LRRK2: variants seen among roughly 807,000 people sequenced by gnomAD.
LRRK2 encodes the protein leucine rich repeat kinase 2.
In LRRK2, 203 loss-of-function variants were observed where a neutral mutation model predicts 302.6. The observed-to-expected ratio is 0.67, with a 90% CI of 0.60 to 0.75. The LOEUF (loss-of-function observed/expected upper bound fraction) is 0.75. Ranked by LOEUF, LRRK2 falls within the 30% of genes least tolerant of loss-of-function variation. The pLI is 0.00. For synonymous variants in LRRK2, 1,066 were observed against 1,031.9 expected, an observed-to-expected ratio of 1.03 and a Z score of -0.63; for missense variants, 2,830 against 2,951.0, an observed-to-expected ratio of 0.96 and a Z score of 0.95.
intron 16 of LRRK2, among the ~76,000 whole-genome samples, chr12:40,275,969 C>G (rs1408528670): frequency 6.6e-6 from 1 of 152,234 alleles, no homozygotes. Flanking sequence ...AATACCTGGT[C>G]TCTAATCTTT....
intron 49 of LRRK2, chr12:40,366,669 C>T (rs933273533): frequency 7.2e-6 from 2 of 276,572 alleles, no homozygotes; most frequent in African/African-American, 4.5e-5. Context: ...TTGTACCTTA[C>T]CATATCCAAA....
chr12:40,342,170 C>T (rs1295953010), intron 41 of LRRK2, among the ~76,000 whole-genome samples: 1 of 152,162 alleles, frequency 6.6e-6, no homozygotes, highest in Non-Finnish European at 1.5e-5. Flanking sequence ...GTGGGCTGTG[C>T]GCTTGTACTT....
chr12:40,365,622 T>G (rs1045621008), intron 49 of LRRK2: 1 of 151,906 alleles, frequency 6.6e-6, no homozygotes, highest in Admixed American at 6.6e-5. Context: ...GCGTCTTCCT[T>G]TGATAATAAT....
chr12:40,295,599 G>A lies in LRRK2; in HGVS notation c.3051G>A (p.Glu1017=). The change falls in exon 23 of 51, where the codon GAG becomes GAA. Residue 1017 remains glutamate, a synonymous_variant. Coordinates refer to ENST00000298910, the MANE Select transcript of LRRK2 (RefSeq NM_198578.4). ...ATTTGGAGCATCTTGAAAAGCTGGA[G>A]CTTCACCAGAATGCACTCACGAGCT... is the stretch of plus-strand genomic sequence containing the variant. The part of the protein sequence containing the change: ...SVHLEHLEKL[E]LHQNALTSFP... 3.1e-6 allele frequency: 5 copies of A among 1,614,002 alleles called. No individual in the cohort carries two copies. The highest frequency in any genetic ancestry group is 4.2e-6 in the Non-Finnish European group (5 of 1,179,956).
At chr12:40,305,658 C>A in intron 27 of LRRK2, 127 bp from the exon 28 acceptor site, 1 of 825,714 alleles carries the variant, frequency 1.2e-6, no homozygotes, top group Non-Finnish European at 2.0e-6. Flanking sequence ...AGTTTTAAAA[C>A]TCTGTTGAAA....
chr12:40,242,476 T>C (rs1014900205), intron 6 of LRRK2, among the ~76,000 whole-genome samples: 15 of 152,164 alleles, frequency 9.9e-5, no homozygotes, highest in South Asian at 4.1e-4. Flanking sequence ...CCTGTGTTTG[T>C]CCCTAAGACT....
rs200631999 is a variant in LRRK2, at chr12:40,314,048, G to A, written c.4613G>A (p.Arg1538His). The change falls in exon 32 of 51, where the codon CGT becomes CAT. Residue 1538 changes from arginine (R) to histidine (H), a missense_variant. Around this residue, in one of 3 missense-constraint regions of LRRK2, gnomAD observed 2,121 missense variants for 2,148.0 expected, o/e 0.99. Coordinates refer to ENST00000298910, the MANE Select transcript of LRRK2 (RefSeq NM_198578.4). ...VELEKIILSE[R>H]KNVPIEFPVI... ...CTTGAAAAAATCATTTTATCGGAGC[G>A]TAAAAATGTGCCAATTGAATTTCCC... 24 of 1,612,372 alleles carry A rather than the reference G, an allele frequency of 1.5e-5. No individual in the cohort carries two copies. The highest frequency in any genetic ancestry group is 1.1e-4 in the East Asian group (5 of 44,836).
chr12:40,293,588 T>TA lies in LRRK2; in HGVS notation c.2734dup (p.Ser912LysfsTer30), dbSNP rs1342219832. The TA allele has an allele frequency of 6.2e-7, 1 of 1,611,310 alleles. No individual in the cohort carries two copies. Among genetic ancestry groups the TA allele is most frequent in the Non-Finnish European group, 8.5e-7 (1 of 1,178,244 alleles). The stretch of plus-strand genomic sequence containing the variant: ...TTGTGAAAAAGAAATCTAATTCAAT[T>TA]AGTGTAGGAGAATTTTACCGAGATG... On this transcript the variant is annotated frameshift_variant, in exon 21 of 51. Transcript: ENST00000298910. LOFTEE classifies it high-confidence loss of function.
Position 40,368,284 on chromosome 12 carries a change from G to C in LRRK2, c.*519G>C, listed in dbSNP as rs199791467. 1 of 151,928 alleles carries C rather than the reference G, an allele frequency of 6.6e-6. No individual in the cohort carries two copies. Among genetic ancestry groups the C allele is most frequent in the African/African-American group, 2.4e-5 (1 of 41,374 alleles). The allele number at this position is 151,928 out of a possible 1,614,324, so 9.4% of individuals were successfully genotyped here. A position where few individuals can be genotyped will look rare whatever the true frequency, so the allele number is the denominator to read the frequency against. ...ATTCAAATGAATTTGCACTAATAAA[G>C]TCCTTTGTTGGTATGTGAATTCTCT... On this transcript the variant is annotated 3_prime_UTR_variant, in exon 51 of 51. Transcript: ENST00000298910.
chr12:40,287,286 C>G, intron 19 of LRRK2, 65 bp from the exon 20 acceptor site: 1 of 1,445,874 alleles, frequency 6.9e-7, no homozygotes, highest in Non-Finnish European at 9.6e-7. Flanking sequence ...GAACTTTGGT[C>G]CTATGTATGT....
chr12:40,323,362 AT>A, intron 38 of LRRK2, 56 bp downstream of exon 38: 1 of 1,404,372 alleles, frequency 7.1e-7, no homozygotes, highest in Non-Finnish European at 9.9e-7. Flanking sequence ...TCTCCTTATA[AT>A]TTAGAAAATA....
chr12:40,258,595 G>C (rs549747198), intron 12 of LRRK2, among the ~76,000 whole-genome samples: 1 of 152,152 alleles, frequency 6.6e-6, no homozygotes, highest in African/African-American at 2.4e-5. Flanking sequence ...CTCTGACAGT[G>C]TGTCTGCCCC....
intron 13 of LRRK2, among the ~76,000 whole-genome samples, chr12:40,263,488 GC>G (rs1365530541): frequency 3.9e-5 from 6 of 152,018 alleles, no homozygotes; most frequent in Non-Finnish European, 8.8e-5. Context: ...TTAAAGCACA[GC>G]CTACTCACAC....
chr12:40,243,569 C>A lies in LRRK2; in HGVS notation c.726C>A (p.Leu242=). The A allele has an allele frequency of 6.2e-7, 1 of 1,611,678 alleles. No homozygotes were observed. The highest frequency in any genetic ancestry group is 8.5e-7 in the Non-Finnish European group (1 of 1,178,352). ...LAIPCNNVEV[L]MSGNVRCYNI... is the part of the protein sequence containing the mutation. ...ATTCAGGCAATAATGTGGAAGTCCT[C>A]ATGAGTGGCAATGTCAGGTGTTATA... Residue 242 remains leucine, a synonymous_variant, in exon 7 of 51, where the codon CTC becomes CTA. Transcript: ENST00000298910.
chr12:40,354,256 G>C, intron 44 of LRRK2, 43 bp from the exon 45 acceptor site: 1 of 1,551,492 alleles, frequency 6.4e-7, no homozygotes, highest in Non-Finnish European at 8.9e-7. Context: ...AGTTGCTTAA[G>C]CTTAAATCAA....
At chr12:40,356,673 A>C (rs1234488806) in intron 46 of LRRK2, among the ~76,000 whole-genome samples, 1 of 152,152 alleles carries the variant, frequency 6.6e-6, no homozygotes, top group Non-Finnish European at 1.5e-5. Flanking sequence ...CTACCCGTTC[A>C]TTCTCCTATT....
At chr12:40,320,205 A>C (rs199788990) in intron 34 of LRRK2, 30 bp downstream of exon 34, 1 of 1,550,900 alleles carries the variant, frequency 6.4e-7, no homozygotes, top group Admixed American at 1.7e-5. Flanking sequence ...ATTAATTGCT[A>C]CATGGAAATT....
At chr12:40,272,154 G>A (rs922171373) in intron 14 of LRRK2, among the ~76,000 whole-genome samples, 1 of 152,026 alleles carries the variant, frequency 6.6e-6, no homozygotes, top group Non-Finnish European at 1.5e-5. Context: ...ATTGAAGCAA[G>A]TGCTCTGTGA....
At chr12:40,249,456 A>G (rs1057309189) in intron 7 of LRRK2, among the ~76,000 whole-genome samples, 1 of 152,096 alleles carries the variant, frequency 6.6e-6, no homozygotes, top group Non-Finnish European at 1.5e-5. Context: ...CTTCCAAAAG[A>G]TGGATTTAAG....
Sources: gnomAD v4.1 joint callset for allele counts (sites outside exome capture counted in the v4.1 genomes callset) on GRCh38, gnomAD v4.1.1 for gene constraint, gnomAD v4.1.1 regional missense constraint, MANE v1.5 for transcripts, NCBI Gene and HGNC (gene_info 2026-07-23, HGNC 2026-07-21) for gene names.